Variants in SLC1A2 observed in about 807,000 individuals in gnomAD.
The protein encoded by SLC1A2 is excitatory amino acid transporter 2.
A neutral mutation model predicts 48.8 loss-of-function variants in SLC1A2; 15 were observed. The ratio of observed to expected loss-of-function variants is 0.31; its 90% CI spans 0.21 to 0.47. SLC1A2 has a LOEUF of 0.47. Ranked by LOEUF, SLC1A2 falls within the 20% of genes least tolerant of loss-of-function variation. The probability of loss-of-function intolerance (pLI) is 0.99; values close to 1 mark genes in which losing one functional copy is unlikely to be tolerated. For synonymous variants in SLC1A2, 279 were observed against 272.6 expected (o/e 1.02, Z -0.23); for missense variants, 502 against 730.5 (o/e 0.69, Z 3.61).
intron 5 of SLC1A2, among the ~76,000 whole-genome samples, chr11:35,302,741 C>T (rs1017506394): frequency 6.6e-6 from 1 of 151,852 alleles, no homozygotes; most frequent in Non-Finnish European, 1.5e-5. Flanking sequence ...GTACCTCACG[C>T]TCAGGCCTGC....
At chr11:35,328,487 T>C (rs1429578459) in intron 1 of SLC1A2, among the ~76,000 whole-genome samples, 3 of 152,216 alleles carry the variant, frequency 2.0e-5, no homozygotes, top group African/African-American at 7.2e-5. Flanking sequence ...CAGCAACTTT[T>C]ACTGAAGGAA....
intron 1 of SLC1A2, among the ~76,000 whole-genome samples, chr11:35,357,734 C>G (rs1437200373): frequency 6.6e-6 from 1 of 152,086 alleles, no homozygotes; most frequent in Non-Finnish European, 1.5e-5. Context: ...ATAGTCAGGT[C>G]CTACATATTG....
Position 35,378,412 on chromosome 11 carries a change from G to A in SLC1A2, c.17+40538C>T, listed in dbSNP as rs141595556. On this transcript the variant is annotated intron_variant, in intron 1 of 10. Transcript: ENST00000278379. Reference sequence around the variant, plus strand: ...TCATCAAAAACAGAAGAAATACCAAGAAAAAATATTGATGCTAGCTGGTCT... The same window carrying A: ...TCATCAAAAACAGAAGAAATACCAAAAAAAAATATTGATGCTAGCTGGTCT... Among the ~76,000 whole-genome samples, 76 of 152,306 alleles carry A rather than the reference G, an allele frequency of 5.0e-4. 1 individual carries two copies. In the East Asian group the frequency reaches 0.013, roughly 26 times the overall value.
At chr11:35,394,816 T>C (rs1854901765) in intron 1 of SLC1A2, among the ~76,000 whole-genome samples, 1 of 152,174 alleles carries the variant, frequency 6.6e-6, no homozygotes, top group African/African-American at 2.4e-5. Flanking sequence ...AGCTGAAAGA[T>C]GAGGAAAGGT....
chr11:35,342,352 C>A (rs1245607463), intron 1 of SLC1A2, among the ~76,000 whole-genome samples: 1 of 152,196 alleles, frequency 6.6e-6, no homozygotes, highest in Non-Finnish European at 1.5e-5. Context: ...ATGTACTAAG[C>A]TCTGTGTGAA....
intron 1 of SLC1A2, among the ~76,000 whole-genome samples, chr11:35,318,243 C>T (rs1851946469): frequency 6.6e-6 from 1 of 152,136 alleles, no homozygotes; most frequent in Admixed American, 6.5e-5. Flanking sequence ...TCAGGTAAGC[C>T]TAAGCCATCC....
At chr11:35,353,000 G>A (rs1403418684) in intron 1 of SLC1A2, among the ~76,000 whole-genome samples, 2 of 152,108 alleles carry the variant, frequency 1.3e-5, no homozygotes, top group African/African-American at 2.4e-5. Flanking sequence ...TTTCAAGACC[G>A]ACTTTGAATT....
chr11:35,298,375 TCTG>T (rs1565223244), intron 6 of SLC1A2: 1 of 152,172 alleles, frequency 6.6e-6, no homozygotes, highest in African/African-American at 2.4e-5. Flanking sequence ...AATGTTACAT[TCTG>T]CTATTATTAC....
chr11:35,269,463 G>A (rs985023823), intron 9 of SLC1A2, among the ~76,000 whole-genome samples: 4 of 152,088 alleles, frequency 2.6e-5, no homozygotes, highest in Non-Finnish European at 2.9e-5. Context: ...GGGTCCTACC[G>A]TTTTTGGGGA....
rs113207876 is a variant in SLC1A2 at position 35,336,440 on chromosome 11, C to T, written c.18-18924G>A. On this transcript the variant is annotated intron_variant, in intron 1 of 10. Transcript: ENST00000278379. ...GTTTGCTCTTGAATACTTGCTTTCA[C>T]CCAATGGGCTTTGATATTAATAACA... 9.2e-3 allele frequency among the ~76,000 whole-genome samples: 1,397 copies of T among 152,278 alleles called. 25 individuals carry two copies. Among genetic ancestry groups the T allele is most frequent in the African/African-American group, 0.032 (1,310 of 41,560 alleles).
chr11:35,406,281 G>A (rs1009002909), intron 1 of SLC1A2, among the ~76,000 whole-genome samples: 1 of 152,106 alleles, frequency 6.6e-6, no homozygotes, highest in African/African-American at 2.4e-5. Context: ...TAGGATCTAG[G>A]AGGACATGAT....
intron 4 of SLC1A2, among the ~76,000 whole-genome samples, chr11:35,311,022 A>G (rs553075326): frequency 6.6e-6 from 1 of 152,304 alleles, no homozygotes; most frequent in South Asian, 2.1e-4. Flanking sequence ...CTTTAAAAAT[A>G]TTATGCAATC....
At chr11:35,371,632 G>C (rs1008659966) in intron 1 of SLC1A2, among the ~76,000 whole-genome samples, 4 of 152,208 alleles carry the variant, frequency 2.6e-5, no homozygotes, top group African/African-American at 9.7e-5. Context: ...AACGATACTT[G>C]AGAGACTTTC....
At chr11:35,296,094 A>G (rs1435851631) in intron 6 of SLC1A2, among the ~76,000 whole-genome samples, 1 of 152,240 alleles carries the variant, frequency 6.6e-6, no homozygotes, top group African/African-American at 2.4e-5. Context: ...TGAAACGCAG[A>G]TATTACTTGG....
intron 7 of SLC1A2, among the ~76,000 whole-genome samples, chr11:35,290,435 A>G (rs115307508): frequency 0.042 from 6,392 of 152,218 alleles, 434 homozygotes; most frequent in African/African-American, 0.14. Context: ...CAGTAAAAAA[A>G]TAACTATTTA....
At chr11:35,337,202 C>T (rs905269391) in intron 1 of SLC1A2, among the ~76,000 whole-genome samples, 11 of 152,024 alleles carry the variant, frequency 7.2e-5, no homozygotes, top group Admixed American at 5.2e-4. Flanking sequence ...AAAGTGCCCA[C>T]AGGCCTCTCT....
chr11:35,254,101 C>G lies in SLC1A2; in HGVS notation c.*6793G>C, dbSNP rs1314477546. 1 of 152,604 alleles carries G rather than the reference C, an allele frequency of 6.6e-6. No individual in the cohort carries two copies. Among genetic ancestry groups the G allele is most frequent in the East Asian group, 1.9e-4 (1 of 5,204 alleles). 9.5% of individuals were successfully genotyped at this position (152,604 alleles called of 1,614,324 possible). On this transcript the variant is annotated 3_prime_UTR_variant, in exon 11 of 11. Coordinates refer to ENST00000278379, the MANE Select transcript of SLC1A2 (RefSeq NM_004171.4). ...TATATTGTCCCTGGTAACACAGACT[C>G]TTACCAGGAAGCCAAAATATATCTG... is the stretch of plus-strand genomic sequence containing the variant.
intron 1 of SLC1A2, among the ~76,000 whole-genome samples, chr11:35,379,894 C>T (rs1854367394): frequency 1.3e-5 from 2 of 152,152 alleles, no homozygotes; most frequent in African/African-American, 4.8e-5. Flanking sequence ...GAAGCTATGG[C>T]CATTTTAAAT....
chr11:35,344,498 T>C (rs1852957420), intron 1 of SLC1A2, among the ~76,000 whole-genome samples: 1 of 152,214 alleles, frequency 6.6e-6, no homozygotes, highest in African/African-American at 2.4e-5. Flanking sequence ...GCATGCTTGA[T>C]GGGATTATGG....
Sources: allele counts gnomAD v4.1 joint callset (sites outside exome capture counted in the v4.1 genomes callset), GRCh38; gene constraint gnomAD v4.1.1; transcripts MANE v1.5; gene names NCBI Gene and HGNC (gene_info 2026-07-23, HGNC 2026-07-21).